The following PLSCR4 variants were observed in gnomAD, a reference collection of about 807,000 sequenced individuals.
PLSCR4 encodes the protein Ca(2+)-dependent phospholipid scramblase 4.
Under a neutral mutation model 36.3 loss-of-function variants are expected in PLSCR4, and 25 were observed. The observed-to-expected ratio is 0.69, with a 90% CI of 0.50 to 0.96. The LOEUF is 0.96. PLSCR4 is among the 40% of genes least tolerant of loss of function. The probability of loss-of-function intolerance (pLI) is 0.00; values close to 1 mark genes in which losing one functional copy is unlikely to be tolerated. For synonymous variants in PLSCR4, 122 were observed against 132.9 expected (o/e 0.92, Z 0.56); for missense variants, 408 against 414.7 (o/e 0.98, Z 0.14).
intron 6 of PLSCR4, among the ~76,000 whole-genome samples, 179 bp downstream of exon 6, chr3:146,199,634 G>GA (rs1157895777): frequency 2.6e-5 from 4 of 152,136 alleles, no homozygotes; most frequent in South Asian, 2.1e-4. Context: ...TAACCAAAAA[G>GA]AAAAAATCCT....
intron 4 of PLSCR4, among the ~76,000 whole-genome samples, chr3:146,203,621 G>A (rs544701525): frequency 1.3e-5 from 2 of 151,920 alleles, no homozygotes; most frequent in African/African-American, 4.8e-5. Context: ...TGTTACAAAA[G>A]TGCCTTTTTT....
At position 146,214,358 on chromosome 3, in the gene PLSCR4, C is replaced by T. The variant is rs1407131703; in HGVS notation, c.118+6457G>A. ...CGGGATGGTCTCGATCTCCTGACCT[C>T]GTGATCCGCCCGCCTTGGCCTCCCA... On this transcript the variant is annotated intron_variant, in intron 3 of 8. Coordinates refer to ENST00000354952, the MANE Select transcript of PLSCR4 (RefSeq NM_020353.3). Among the ~76,000 whole-genome samples, 4 of 10,430 alleles carry T rather than the reference C, an allele frequency of 3.8e-4. 2 individuals are homozygous for T. The highest frequency in any genetic ancestry group is 1.7e-3 in the Admixed American group (2 of 1,172). The allele number at this position is 10,430 out of a possible 152,430, so 6.8% of individuals were successfully genotyped here. A position where few individuals can be genotyped will look rare whatever the true frequency, so the allele number is the denominator to read the frequency against.
intron 3 of PLSCR4, among the ~76,000 whole-genome samples, chr3:146,214,718 T>C (rs1173654757): frequency 6.6e-6 from 1 of 152,198 alleles, no homozygotes; most frequent in African/African-American, 2.4e-5. Context: ...ATGTGTATTA[T>C]GCTGTTGTTG....
intron 3 of PLSCR4, among the ~76,000 whole-genome samples, chr3:146,209,818 C>T (rs776051294): frequency 6.6e-5 from 10 of 152,040 alleles, no homozygotes; most frequent in Admixed American, 2.0e-4. Flanking sequence ...AAGCAGCCCA[C>T]AAGTGATGTT....
intron 6 of PLSCR4, 72 bp from the exon 7 acceptor site, chr3:146,196,865 C>T: frequency 7.6e-7 from 1 of 1,307,556 alleles, no homozygotes; most frequent in Non-Finnish European, 1.1e-6. Context: ...CGCACATACA[C>T]AATCTAGATG....
At chr3:146,212,326 T>A (rs1414814445) in intron 3 of PLSCR4, among the ~76,000 whole-genome samples, 1 of 152,048 alleles carries the variant, frequency 6.6e-6, no homozygotes, top group Non-Finnish European at 1.5e-5. Context: ...CATTTTTCAT[T>A]GTTAATATAT....
At chr3:146,199,319 T>G (rs1044551803) in intron 6 of PLSCR4, among the ~76,000 whole-genome samples, 1 of 152,168 alleles carries the variant, frequency 6.6e-6, no homozygotes, top group Non-Finnish European at 1.5e-5. Flanking sequence ...TCAGCACATC[T>G]GTATTCTAGT....
At chr3:146,236,619 C>A (rs902668294) in intron 1 of PLSCR4, among the ~76,000 whole-genome samples, 1 of 152,100 alleles carries the variant, frequency 6.6e-6, no homozygotes, top group African/African-American at 2.4e-5. Flanking sequence ...CTTCTCTTGG[C>A]CTGCCACCAT....
chr3:146,195,096 CA>C, intron 8 of PLSCR4, 27 bp downstream of exon 8: 1 of 1,606,678 alleles, frequency 6.2e-7, no homozygotes, highest in Non-Finnish European at 8.5e-7. Context: ...ACAACTCTCT[CA>C]GGATAACTCA....
intron 4 of PLSCR4, 135 bp downstream of exon 4, chr3:146,206,391 T>A (rs2034328638): frequency 1.6e-6 from 1 of 643,138 alleles, no homozygotes; most frequent in African/African-American, 1.8e-5. Flanking sequence ...GTATCACTGT[T>A]CTTATAGTTT....
At chr3:146,210,058 T>C (rs1466282262) in intron 3 of PLSCR4, among the ~76,000 whole-genome samples, 2 of 152,136 alleles carry the variant, frequency 1.3e-5, no homozygotes, top group Admixed American at 6.6e-5. Context: ...TAAAATGGTG[T>C]AGTATTTACA....
intron 1 of PLSCR4, among the ~76,000 whole-genome samples, chr3:146,247,346 T>G (rs970584070): frequency 6.6e-6 from 1 of 152,116 alleles, no homozygotes; most frequent in African/African-American, 2.4e-5. Flanking sequence ...AAAAGTTACA[T>G]TCCTAATACA....
intron 3 of PLSCR4, among the ~76,000 whole-genome samples, chr3:146,216,086 C>T (rs550243557): frequency 7.2e-5 from 11 of 152,092 alleles, no homozygotes; most frequent in African/African-American, 9.6e-5. Context: ...CAAAATTATC[C>T]GGGCGTGGTG....
chr3:146,210,628 A>G (rs1300867807), intron 3 of PLSCR4, among the ~76,000 whole-genome samples: 1 of 70,132 alleles, frequency 1.4e-5, no homozygotes, highest in African/African-American at 4.5e-5. Flanking sequence ...CCTTTTTTAA[A>G]ATGTACAATG....
At chr3:146,233,727 T>C (rs776004120) in intron 1 of PLSCR4, among the ~76,000 whole-genome samples, 2 of 151,894 alleles carry the variant, frequency 1.3e-5, no homozygotes, top group African/African-American at 2.4e-5. Flanking sequence ...CTGTTCAAGG[T>C]TATAGCTCTA....
At position 146,196,764 on chromosome 3, in the gene PLSCR4, G is replaced by A; in HGVS notation, c.654C>T (p.Thr218=). 1.2e-6 allele frequency: 2 copies of A among 1,613,856 alleles called. No individual in the cohort carries two copies. The highest frequency in any genetic ancestry group is 1.7e-6 in the Non-Finnish European group (2 of 1,179,864). ...TCCAATGTTCCGCAACAAAGCCAAT[G>A]GTGACACCAGGAGGACACTGCACCT... ...ELEVQCPPGV[T]IGFVAEHWNL... is the part of the protein sequence containing the mutation. Residue 218 remains threonine, a synonymous_variant, in exon 7 of 9, where the codon ACC becomes ACT. Transcript: ENST00000354952.
At chr3:146,225,479 G>A (rs1232962049) in intron 1 of PLSCR4, among the ~76,000 whole-genome samples, 2 of 152,218 alleles carry the variant, frequency 1.3e-5, no homozygotes, top group Admixed American at 6.5e-5. Flanking sequence ...CGGTGGAGCA[G>A]GGGGTGGTGC....
In PLSCR4 at chr3:146,201,103, G is replaced by C. The variant is rs375239600; in HGVS notation, c.355-26C>G. On this transcript the variant is annotated intron_variant, in intron 4 of 8. Coordinates refer to ENST00000354952, the MANE Select transcript of PLSCR4 (RefSeq NM_020353.3). Reference sequence around the variant, plus strand: ...CTGTTGGGATAAAACAAAGCAATCAGAAGACAGAAATAACAGAACTAAAAT... The same window carrying C: ...CTGTTGGGATAAAACAAAGCAATCACAAGACAGAAATAACAGAACTAAAAT... 26 of 1,475,226 alleles carry C rather than the reference G, an allele frequency of 1.8e-5. 1 individual carries two copies. The highest frequency in any genetic ancestry group is 1.4e-4 in the South Asian group (10 of 72,500). The allele number at this position is 1,475,226 out of a possible 1,614,324, so 91.4% of individuals were successfully genotyped here.
At chr3:146,218,076 A>C (rs2034972516) in intron 3 of PLSCR4, among the ~76,000 whole-genome samples, 1 of 152,172 alleles carries the variant, frequency 6.6e-6, no homozygotes, top group Non-Finnish European at 1.5e-5. Flanking sequence ...ACTGACAGTA[A>C]GCAGACTAAA....
Sources: gnomAD v4.1 joint callset for allele counts (sites outside exome capture counted in the v4.1 genomes callset) on GRCh38, gnomAD v4.1.1 for gene constraint, MANE v1.5 for transcripts, NCBI Gene and HGNC (gene_info 2026-07-23, HGNC 2026-07-21) for gene names.